Variants in DCAF1 observed in about 807,000 individuals in gnomAD.
DCAF1 encodes DDB1 and CUL4 associated factor 1.
In DCAF1, 15 loss-of-function variants were observed where a neutral mutation model predicts 128.0. That is an observed-to-expected ratio of 0.12 (90% CI 0.08 to 0.18). The LOEUF (loss-of-function observed/expected upper bound fraction) is 0.18. DCAF1 is among the 10% of genes least tolerant of loss of function. The pLI, the probability that DCAF1 is intolerant of heterozygous loss-of-function variation, is 1.00. For missense variants in DCAF1, 988 were observed against 1,649.5 expected (o/e 0.60, Z 6.95); for synonymous variants, 610 against 603.0 (o/e 1.01, Z -0.17).
chr3:51,462,085 G>C (rs1461969154), intron 6 of DCAF1, among the ~76,000 whole-genome samples: 1 of 150,688 alleles, frequency 6.6e-6, no homozygotes, highest in East Asian at 1.9e-4. Context: ...AAAAAAAAAA[G>C]AAAAGAAAAA....
chr3:51,413,447 T>C (rs1577071061), intron 20 of DCAF1, 61 bp from the exon 21 acceptor site: 3 of 1,554,938 alleles, frequency 1.9e-6, no homozygotes, highest in East Asian at 4.7e-5. Flanking sequence ...TCTTCACAAG[T>C]GCAGAAAATG....
At chr3:51,454,404 CAGAGT>C (rs1220384618) in intron 6 of DCAF1, among the ~76,000 whole-genome samples, 2 of 152,144 alleles carry the variant, frequency 1.3e-5, no homozygotes, top group Admixed American at 1.3e-4. Context: ...CTCTGTCACC[CAGAGT>C]GGAGTGGAGT....
At chr3:51,455,048 A>G (rs1425235352) in intron 6 of DCAF1, among the ~76,000 whole-genome samples, 1 of 152,170 alleles carries the variant, frequency 6.6e-6, no homozygotes, top group East Asian at 1.9e-4. Context: ...TTGTCTTCCT[A>G]ACACTTACTC....
chr3:51,398,897 C>T, intron 24 of DCAF1, 70 bp from the exon 25 acceptor site: 1 of 1,534,588 alleles, frequency 6.5e-7, no homozygotes. Context: ...ACAGAAGCAC[C>T]TGCACTCACA....
intron 6 of DCAF1, among the ~76,000 whole-genome samples, chr3:51,446,521 C>T (rs1701870652): frequency 6.6e-6 from 1 of 152,066 alleles, no homozygotes; most frequent in South Asian, 2.1e-4. Flanking sequence ...GTTCACGCTA[C>T]TTGGGAGGCT....
chr3:51,410,003 A>G (rs1470961697), intron 23 of DCAF1, among the ~76,000 whole-genome samples: 3 of 152,162 alleles, frequency 2.0e-5, no homozygotes, highest in Non-Finnish European at 2.9e-5. Context: ...CCCATATCTC[A>G]TAACTCACAT....
intron 6 of DCAF1, among the ~76,000 whole-genome samples, chr3:51,458,040 C>A (rs1157804697): frequency 6.6e-6 from 1 of 152,152 alleles, no homozygotes; most frequent in South Asian, 2.1e-4. Flanking sequence ...ATCATAATGA[C>A]AGGATCAAAT....
chr3:51,459,611 G>C (rs1553643913), intron 6 of DCAF1, among the ~76,000 whole-genome samples: 1 of 152,100 alleles, frequency 6.6e-6, no homozygotes, highest in African/African-American at 2.4e-5. Context: ...CCAAAAAAGA[G>C]AATTTTAGAC....
At chr3:51,437,041 T>A (rs1286766239) in intron 9 of DCAF1, among the ~76,000 whole-genome samples, 2 of 151,552 alleles carry the variant, frequency 1.3e-5, no homozygotes, top group African/African-American at 4.8e-5. Flanking sequence ...GGCAGGCGGA[T>A]CCCTTGAGGT....
intron 6 of DCAF1, among the ~76,000 whole-genome samples, chr3:51,451,066 A>ATT (rs1559527264): frequency 6.7e-4 from 22 of 32,748 alleles, no homozygotes; most frequent in Non-Finnish European, 1.2e-3. Context: ...TAAAAAGGAA[A>ATT]TTCTTTTTTT....
chr3:51,403,477 C>A, intron 23 of DCAF1, 82 bp from the exon 24 acceptor site: 1 of 1,514,228 alleles, frequency 6.6e-7, no homozygotes, highest in South Asian at 1.3e-5. Flanking sequence ...ACCAAAGAGA[C>A]AGGGTAGGAA....
chr3:51,432,320 G>A (rs1700464303), intron 10 of DCAF1, among the ~76,000 whole-genome samples: 1 of 148,492 alleles, frequency 6.7e-6, no homozygotes, highest in Non-Finnish European at 1.5e-5. Flanking sequence ...GGTGGCACAA[G>A]CCTGTAGTCC....
chr3:51,456,333 C>A (rs1198171502), intron 6 of DCAF1, among the ~76,000 whole-genome samples: 1 of 152,204 alleles, frequency 6.6e-6, no homozygotes, highest in Non-Finnish European at 1.5e-5. Flanking sequence ...CCAGATCAAA[C>A]TGCAAGGAAG....
At chr3:51,454,169 A>G (rs1259926039) in intron 6 of DCAF1, among the ~76,000 whole-genome samples, 1 of 152,098 alleles carries the variant, frequency 6.6e-6, no homozygotes, top group African/African-American at 2.4e-5. Flanking sequence ...CAGCATTCCA[A>G]ACATCTGGGA....
At position 51,429,487 on chromosome 3, in the gene DCAF1, T is replaced by C. The variant is rs1700184156; in HGVS notation, c.1468-17A>G. 1.3e-5 allele frequency: 10 copies of C among 778,188 alleles called. No homozygotes were observed. The East Asian group carries it at 2.4e-4, about 19-fold the overall frequency. 48.2% of individuals were successfully genotyped at this position (778,188 alleles called of 1,614,324 possible). ...AGTACTGATCTATTAAGATGCAAAA[T>C]ATTGGGGCAAAAGAGGGGAAAAGGC... On this transcript the variant is annotated splice_polypyrimidine_tract_variant and intron_variant, in intron 11 of 24. Transcript: ENST00000684031.
At chr3:51,481,145 C>T (rs531790228) in intron 3 of DCAF1, among the ~76,000 whole-genome samples, 3 of 152,066 alleles carry the variant, frequency 2.0e-5, no homozygotes, top group East Asian at 1.9e-4. Flanking sequence ...CTTTTTACAG[C>T]GAAAGAACTA....
chr3:51,397,395 C>T (rs1382838993), downstream of DCAF1: 2 of 167,086 alleles, frequency 1.2e-5, no homozygotes, highest in African/African-American at 2.4e-5. Context: ...TGCCAGGATG[C>T]TCAAGTCCAC....
rs777036191 is a variant in DCAF1, at chr3:51,427,504, A to T, written c.1715T>A (p.Met572Lys). The change falls in exon 13 of 25, where the codon ATG becomes AAG. Residue 572 changes from methionine (M) to lysine (K), a missense_variant. Met to Lys is a moderately conservative substitution (Grantham distance 95). Around this residue, in one of 11 missense-constraint regions of DCAF1, gnomAD observed 185 missense variants for 248.1 expected, o/e 0.75. Coordinates refer to ENST00000684031, the MANE Select transcript of DCAF1 (RefSeq NM_001387579.1). ...SYTHEQIVEM[M>K]EFLIEYGPAQ... ...TGGGCCATATTCTATCAAAAATTCC[A>T]TCATTTCCACAATCTGTTCATGAGT... The T allele has an allele frequency of 1.3e-6, 1 of 773,362 alleles. No homozygotes were observed. Among genetic ancestry groups the T allele is most frequent in the Non-Finnish European group, 2.4e-6 (1 of 414,464 alleles). The allele number at this position is 773,362 out of a possible 1,614,324, so 47.9% of individuals were successfully genotyped here.
chr3:51,441,600 T>C lies in DCAF1; in HGVS notation c.811A>G (p.Lys271Glu), dbSNP rs1701359778. Residue 271 changes from lysine to glutamate, a missense_variant, in exon 8 of 25, where the codon AAA (lysine) becomes GAA (glutamate). Lys to Glu is a moderately conservative substitution (Grantham distance 56, BLOSUM62 1). Around this residue, in one of 11 missense-constraint regions of DCAF1, gnomAD observed 210 missense variants for 260.2 expected, o/e 0.81. Transcript: ENST00000684031. Reference sequence around the variant, plus strand: ...CTAAAGTTCTCTCTGTCACCCTGTTTTGCTGACTTGTTTTTCTTTAATCCT... The same window carrying C: ...CTAAAGTTCTCTCTGTCACCCTGTTCTGCTGACTTGTTTTTCTTTAATCCT... Reference protein sequence around the residue: ...DGGLKKNKSAKQGDRENFRKA... With the variant: ...DGGLKKNKSAEQGDRENFRKA... 11 of 1,613,986 alleles carry C rather than the reference T, an allele frequency of 6.8e-6. No homozygotes were observed. The highest frequency in any genetic ancestry group is 9.3e-6 in the Non-Finnish European group (11 of 1,179,882).
Sources: allele counts gnomAD v4.1 joint callset (sites outside exome capture counted in the v4.1 genomes callset), GRCh38; gene constraint gnomAD v4.1.1; regional missense constraint gnomAD v4.1.1; transcripts MANE v1.5; gene names NCBI Gene and HGNC (gene_info 2026-07-23, HGNC 2026-07-21).